The following RAB27B variants were observed in gnomAD, a reference collection of about 807,000 sequenced individuals.
RAB27B encodes the protein RAB27B, member RAS oncogene family.
A neutral mutation model predicts 24.6 loss-of-function variants in RAB27B; 15 were observed. That is an observed-to-expected ratio of 0.61 (90% CI 0.41 to 0.94). RAB27B has a LOEUF of 0.94. Ranked by LOEUF, RAB27B falls within the 40% of genes least tolerant of loss-of-function variation. The pLI is 0.00. For synonymous variants in RAB27B, 105 were observed against 92.5 expected (o/e 1.14, Z -0.78); for missense variants, 261 against 266.8 (o/e 0.98, Z 0.15).
rs549958555 is a variant in RAB27B, at chr18:54,799,136, A to AT, written c.-19-78423dup. 1.2e-4 allele frequency among the ~76,000 whole-genome samples: 19 copies of AT among 152,114 alleles called. No homozygotes were observed. In the East Asian group the frequency reaches 3.3e-3, roughly 26 times the overall value. ...TTAAACTTTGTGTAATATTAGACTA[A>AT]TTTTTTTTAACTAAAATTGTGACTC... On this transcript the variant is annotated intron_variant, in intron 2 of 4. Coordinates refer to the RAB27B transcript ENST00000586570.
At chr18:54,744,103 T>C (rs1048246280) in intron 2 of RAB27B, among the ~76,000 whole-genome samples, 2 of 152,170 alleles carry the variant, frequency 1.3e-5, no homozygotes, top group African/African-American at 4.8e-5. Context: ...AGTGAATAAA[T>C]GTTATATGAA....
At chr18:54,820,303 A>C (rs1299416438) in intron 2 of RAB27B, among the ~76,000 whole-genome samples, 2 of 152,054 alleles carry the variant, frequency 1.3e-5, no homozygotes, top group Admixed American at 1.3e-4. Context: ...GTTTTTAATG[A>C]TTGCCATTCT....
chr18:54,723,346 G>A (rs1282552059), intron 2 of RAB27B, among the ~76,000 whole-genome samples: 1 of 152,114 alleles, frequency 6.6e-6, no homozygotes, highest in Non-Finnish European at 1.5e-5. Flanking sequence ...GCTATGTATT[G>A]GGATTGGGTT....
intron 2 of RAB27B, among the ~76,000 whole-genome samples, chr18:54,753,200 C>T (rs80116784): frequency 0.028 from 4,266 of 152,150 alleles, 75 homozygotes; most frequent in Middle Eastern, 0.092. Context: ...TTAAAGGGAT[C>T]ATTTAAAAAA....
intron 2 of RAB27B, among the ~76,000 whole-genome samples, chr18:54,801,675 A>G (rs1209351751): frequency 6.6e-6 from 1 of 152,182 alleles, no homozygotes; most frequent in East Asian, 1.9e-4. Context: ...GCTTTTACCC[A>G]CTAGATACTA....
chr18:54,775,189 A>C (rs954460948), intron 2 of RAB27B, among the ~76,000 whole-genome samples: 18 of 152,192 alleles, frequency 1.2e-4, no homozygotes, highest in Non-Finnish European at 4.4e-5. Context: ...GGCCATGACC[A>C]CAGCATCAAC....
chr18:54,754,272 C>T (rs779592763), intron 2 of RAB27B, among the ~76,000 whole-genome samples: 10 of 152,278 alleles, frequency 6.6e-5, no homozygotes, highest in Non-Finnish European at 1.3e-4. Flanking sequence ...AAGGTCCTTG[C>T]TTCCCCTTGC....
chr18:54,841,842 C>T (rs576207136), intron 1 of RAB27B, among the ~76,000 whole-genome samples: 2 of 152,272 alleles, frequency 1.3e-5, no homozygotes, highest in South Asian at 2.1e-4. Flanking sequence ...AGAAATAAGA[C>T]ACCAATATAC....
chr18:54,717,929 T>C (rs1381113634), exon 1 of RAB27B: 5 of 152,210 alleles, frequency 3.3e-5, no homozygotes, highest in African/African-American at 9.7e-5. Context: ...TTCTGTTCGA[T>C]TAGAAGGTAT....
chr18:54,801,449 T>A (rs1036272770), intron 2 of RAB27B, among the ~76,000 whole-genome samples: 1 of 152,194 alleles, frequency 6.6e-6, no homozygotes, highest in South Asian at 2.1e-4. Flanking sequence ...CTTAAAAAAC[T>A]GGAAAATCTG....
At chr18:54,754,164 C>G (rs1907926535) in intron 2 of RAB27B, among the ~76,000 whole-genome samples, 1 of 152,116 alleles carries the variant, frequency 6.6e-6, no homozygotes, top group African/African-American at 2.4e-5. Context: ...GCAATTTCCC[C>G]CACGCTGTTC....
At chr18:54,818,995 A>G (rs1216251252) in intron 2 of RAB27B, among the ~76,000 whole-genome samples, 1 of 151,718 alleles carries the variant, frequency 6.6e-6, no homozygotes, top group Non-Finnish European at 1.5e-5. Context: ...CAGCCACTCA[A>G]CCTTCAGTAG....
intron 2 of RAB27B, among the ~76,000 whole-genome samples, chr18:54,723,834 G>A (rs1319313882): frequency 6.6e-6 from 1 of 152,182 alleles, no homozygotes; most frequent in East Asian, 1.9e-4. Context: ...TTTTAATTAT[G>A]ACAACTATGA....
At chr18:54,744,462 G>A (rs1190358175) in intron 2 of RAB27B, among the ~76,000 whole-genome samples, 5 of 152,152 alleles carry the variant, frequency 3.3e-5, no homozygotes, top group African/African-American at 1.2e-4. Context: ...AATATAGAGA[G>A]GGTCAGGCCC....
chr18:54,747,908 G>A (rs1465027270), intron 2 of RAB27B, among the ~76,000 whole-genome samples: 1 of 152,066 alleles, frequency 6.6e-6, no homozygotes, highest in Non-Finnish European at 1.5e-5. Flanking sequence ...AGGAGTTCGA[G>A]ACCAGCCTGG....
At chr18:54,853,966 C>A (rs1486469261) in intron 1 of RAB27B, among the ~76,000 whole-genome samples, 1 of 152,072 alleles carries the variant, frequency 6.6e-6, no homozygotes, top group Non-Finnish European at 1.5e-5. Flanking sequence ...TTTATAACTT[C>A]CAGATGAACA....
At chr18:54,863,659 A>T (rs772978524) in intron 1 of RAB27B, among the ~76,000 whole-genome samples, 9 of 152,186 alleles carry the variant, frequency 5.9e-5, no homozygotes, top group Non-Finnish European at 1.0e-4. Flanking sequence ...ATACATTGGC[A>T]GTCATTCCCC....
At chr18:54,819,096 C>A (rs1965663) in intron 2 of RAB27B, among the ~76,000 whole-genome samples, 1 of 149,814 alleles carries the variant, frequency 6.7e-6, no homozygotes. Flanking sequence ...ATTGTATGGC[C>A]GTAGTATTTA....
chr18:54,723,368 A>C (rs1283974211), intron 2 of RAB27B, among the ~76,000 whole-genome samples: 2 of 152,230 alleles, frequency 1.3e-5, no homozygotes, highest in Non-Finnish European at 2.9e-5. Flanking sequence ...TATGATAATC[A>C]ACAGTATCAG....
Sources: allele counts gnomAD v4.1 joint callset (sites outside exome capture counted in the v4.1 genomes callset), GRCh38; gene constraint gnomAD v4.1.1; transcripts MANE v1.5; gene names NCBI Gene and HGNC (gene_info 2026-07-23, HGNC 2026-07-21).